The following PLCH1 variants were observed in gnomAD, a reference collection of about 807,000 sequenced individuals.
PLCH1 encodes the protein phospholipase C eta 1.
Under a neutral mutation model 126.7 loss-of-function variants are expected in PLCH1, and 60 were observed. The observed-to-expected ratio is 0.47, with a 90% CI of 0.38 to 0.59. The LOEUF is 0.59. Ranked by LOEUF, PLCH1 falls within the 20% of genes least tolerant of loss-of-function variation. The probability of loss-of-function intolerance (pLI) is 0.00; values close to 1 mark genes in which losing one functional copy is unlikely to be tolerated. For missense variants in PLCH1, 1,723 were observed against 2,040.0 expected, an observed-to-expected ratio of 0.84 and a Z score of 2.99; for synonymous variants, 719 against 734.9, an observed-to-expected ratio of 0.98 and a Z score of 0.35.
intron 10 of PLCH1, among the ~76,000 whole-genome samples, chr3:155,541,889 T>G (rs1724297546): frequency 1.3e-5 from 2 of 152,008 alleles, no homozygotes; most frequent in South Asian, 4.1e-4. Context: ...AAAATGAACT[T>G]TGCTGGTGGG....
At chr3:155,669,854 A>T (rs1577288585) in intron 2 of PLCH1, among the ~76,000 whole-genome samples, 1 of 152,202 alleles carries the variant, frequency 6.6e-6, no homozygotes, top group African/African-American at 2.4e-5. Context: ...AATGGCTCAC[A>T]CGATGTATAG....
chr3:155,686,204 A>C (rs941480066), intron 2 of PLCH1, among the ~76,000 whole-genome samples: 1 of 152,174 alleles, frequency 6.6e-6, no homozygotes. Flanking sequence ...AGTTAACATA[A>C]CATAAAGTCC....
intron 2 of PLCH1, among the ~76,000 whole-genome samples, chr3:155,647,784 C>G (rs562548413): frequency 1.3e-5 from 2 of 152,134 alleles, no homozygotes; most frequent in Non-Finnish European, 2.9e-5. Flanking sequence ...AAGTAAATAT[C>G]ATTCCTTTTA....
At chr3:155,690,849 A>C (rs2109040670) in intron 2 of PLCH1, among the ~76,000 whole-genome samples, 1 of 152,270 alleles carries the variant, frequency 6.6e-6, no homozygotes, top group East Asian at 1.9e-4. Context: ...TCATCTGAGG[A>C]CCTTGTTAAA....
chr3:155,715,590 C>A (rs1042600204), intron 1 of PLCH1, among the ~76,000 whole-genome samples: 1 of 151,406 alleles, frequency 6.6e-6, no homozygotes, highest in South Asian at 2.1e-4. Flanking sequence ...TAGGAATGAG[C>A]CACCACATCT....
intron 21 of PLCH1, among the ~76,000 whole-genome samples, chr3:155,471,466 A>G (rs1166806502): frequency 6.8e-6 from 1 of 147,104 alleles, no homozygotes; most frequent in East Asian, 2.0e-4. Flanking sequence ...AGACTCCCAC[A>G]CATTAATAAT....
chr3:155,739,862 T>A (rs1244470907), intron 1 of PLCH1, among the ~76,000 whole-genome samples: 1 of 152,142 alleles, frequency 6.6e-6, no homozygotes, highest in Non-Finnish European at 1.5e-5. Context: ...TAAAAAGACA[T>A]AAAATAAGTG....
chr3:155,501,019 G>A (rs1717810203), intron 13 of PLCH1, among the ~76,000 whole-genome samples: 1 of 152,112 alleles, frequency 6.6e-6, no homozygotes, highest in African/African-American at 2.4e-5. Context: ...CTCAGAAACT[G>A]ACTTCGGAGA....
At chr3:155,505,891 G>GTTTTTT (rs545714401) in intron 12 of PLCH1, among the ~76,000 whole-genome samples, 2 of 147,994 alleles carry the variant, frequency 1.4e-5, no homozygotes, top group African/African-American at 2.5e-5. Context: ...CTCTTGGTCC[G>GTTTTTT]CTTTTTTTTT....
intron 1 of PLCH1, among the ~76,000 whole-genome samples, chr3:155,706,196 AAAAT>A (rs1746654147): frequency 7.1e-6 from 1 of 141,050 alleles, no homozygotes; most frequent in African/African-American, 2.8e-5. Flanking sequence ...AAAAAAAAAA[AAAAT>A]CTGCTGGCCA....
At chr3:155,491,339 T>C (rs564981191) in intron 18 of PLCH1, among the ~76,000 whole-genome samples, 28 of 152,276 alleles carry the variant, frequency 1.8e-4, no homozygotes, top group Admixed American at 3.9e-4. Context: ...TCTTAGCTCA[T>C]GGCAGCCTCC....
rs546555378 is a variant in PLCH1, at chr3:155,583,914, T to TAA, written c.601-274_601-273dup. ...AATTTATAAATCAACAAAGAAACCTTAAAAAAAAAAAAACCTGTAGAAACA... is the reference window on the plus strand; with the variant it reads ...AATTTATAAATCAACAAAGAAACCTTAAAAAAAAAAAAAAACCTGTAGAAACA... On this transcript the variant is annotated intron_variant, in intron 5 of 22. Coordinates refer to ENST00000460012, the MANE Select transcript of PLCH1 (RefSeq NM_014996.4). Among the ~76,000 whole-genome samples the TAA allele has an allele frequency of 7.1e-3, 976 of 136,568 alleles. 10 individuals are homozygous for TAA. The highest frequency in any genetic ancestry group is 0.024 in the African/African-American group (921 of 38,064). The allele number at this position is 136,568 out of a possible 152,430, so 89.6% of individuals were successfully genotyped here.
chr3:155,718,024 A>G (rs946077274), intron 1 of PLCH1, among the ~76,000 whole-genome samples: 2 of 152,240 alleles, frequency 1.3e-5, no homozygotes, highest in African/African-American at 4.8e-5. Flanking sequence ...TGTTAGAAGC[A>G]GCCAGGTCAC....
intron 4 of PLCH1, among the ~76,000 whole-genome samples, chr3:155,588,072 G>T (rs1028363361): frequency 8.5e-5 from 13 of 152,132 alleles, no homozygotes; most frequent in Admixed American, 6.5e-4. Context: ...TTCAAATTAT[G>T]ACTGTAGAAG....
chr3:155,717,158 A>G (rs1747579171), intron 1 of PLCH1, among the ~76,000 whole-genome samples: 1 of 152,252 alleles, frequency 6.6e-6, no homozygotes, highest in African/African-American at 2.4e-5. Flanking sequence ...TTGGTGCAAG[A>G]AGTGGGCTCC....
chr3:155,596,406 C>T (rs1050540276), intron 2 of PLCH1, 28 bp from the exon 3 acceptor site: 1 of 1,599,802 alleles, frequency 6.3e-7, no homozygotes, highest in Non-Finnish European at 8.5e-7. Flanking sequence ...GTGTATCCAG[C>T]TATCACACAA....
At chr3:155,679,031 A>G (rs1440087399) in intron 2 of PLCH1, among the ~76,000 whole-genome samples, 5 of 152,216 alleles carry the variant, frequency 3.3e-5, no homozygotes, top group Admixed American at 3.3e-4. Flanking sequence ...AAAGTGTAAT[A>G]GGTAAAAGCA....
intron 2 of PLCH1, among the ~76,000 whole-genome samples, chr3:155,618,546 T>C (rs773355631): frequency 6.6e-6 from 1 of 152,232 alleles, no homozygotes; most frequent in Non-Finnish European, 1.5e-5. Flanking sequence ...GTTTTTCTTG[T>C]TTCCATAGAA....
intron 8 of PLCH1, among the ~76,000 whole-genome samples, chr3:155,557,564 A>G (rs1373620345): frequency 6.6e-6 from 1 of 152,180 alleles, no homozygotes; most frequent in Admixed American, 6.5e-5. Context: ...TGAAGATAAC[A>G]ACATTCCCAA....
Sources: gnomAD v4.1 joint callset for allele counts (sites outside exome capture counted in the v4.1 genomes callset) on GRCh38, gnomAD v4.1.1 for gene constraint, MANE v1.5 for transcripts, NCBI Gene and HGNC (gene_info 2026-07-23, HGNC 2026-07-21) for gene names.